The following SFXN5 variants were observed in gnomAD, a reference collection of about 807,000 sequenced individuals.
The protein encoded by SFXN5 is sideroflexin-5.
In SFXN5, 43 loss-of-function variants were observed where a neutral mutation model predicts 50.2. The observed-to-expected ratio is 0.86, with a 90% confidence interval of 0.67 to 1.11. The LOEUF (loss-of-function observed/expected upper bound fraction) is 1.11. Among genes scored for constraint, SFXN5 ranks in the 50% least tolerant of loss-of-function variants. SFXN5 has a pLI of 0.00. For synonymous variants in SFXN5, 203 were observed against 185.8 expected (o/e 1.09, Z -0.75); for missense variants, 463 against 454.1 (o/e 1.02, Z -0.18).
chr2:73,047,275 T>TATACACAC (rs1300799277), intron 2 of SFXN5, among the ~76,000 whole-genome samples: 2 of 51,748 alleles, frequency 3.9e-5, no homozygotes, highest in African/African-American at 1.6e-4. Flanking sequence ...TATATATATA[T>TATACACAC]ACACACATAT....
chr2:72,944,924 T>G lies in SFXN5; in HGVS notation c.*98A>C. 9.0e-7 allele frequency: 1 copy of G among 1,115,900 alleles called. No homozygotes were observed. The highest frequency in any genetic ancestry group is 1.3e-6 in the Non-Finnish European group (1 of 762,300). 69.1% of individuals were successfully genotyped at this position (1,115,900 alleles called of 1,614,324 possible). A position where few individuals can be genotyped will look rare whatever the true frequency, so the allele number is the denominator to read the frequency against. ...CCCAGGGGGCCCAGGACTGCTGGGG[T>G]TGGCGTGCTGCTCCCTGCAGGTGCA... On this transcript the variant is annotated 3_prime_UTR_variant, in exon 14 of 14. Coordinates refer to ENST00000272433, the MANE Select transcript of SFXN5 (RefSeq NM_144579.3).
intron 6 of SFXN5, among the ~76,000 whole-genome samples, chr2:73,017,183 A>C (rs2105803341): frequency 6.6e-6 from 1 of 152,334 alleles, no homozygotes; most frequent in East Asian, 1.9e-4. Flanking sequence ...GGGGGAAAGC[A>C]GATATTTGTA....
rs1002100226 is a variant in SFXN5, at chr2:73,033,462, T to C, written c.249+7392A>G. ...AGCAAGTGTGAGCAGGTGGCAGAGATGGAGATTACAGACATAAGTAAGATA... is the reference window on the plus strand; with the variant it reads ...AGCAAGTGTGAGCAGGTGGCAGAGACGGAGATTACAGACATAAGTAAGATA... On this transcript the variant is annotated intron_variant, in intron 3 of 13. Transcript: ENST00000272433. Among the ~76,000 whole-genome samples, 3 of 152,076 alleles carry C rather than the reference T, an allele frequency of 2.0e-5. No homozygotes were observed. The East Asian group carries it at 5.8e-4, about 29-fold the overall frequency.
At chr2:73,016,941 G>A (rs1676240857) in intron 6 of SFXN5, among the ~76,000 whole-genome samples, 1 of 152,120 alleles carries the variant, frequency 6.6e-6, no homozygotes, top group Non-Finnish European at 1.5e-5. Flanking sequence ...TGTAGTATGG[G>A]TTGTTTACCC....
At chr2:72,993,579 GAC>G (rs1672872426) in intron 9 of SFXN5, among the ~76,000 whole-genome samples, 1 of 152,170 alleles carries the variant, frequency 6.6e-6, no homozygotes, top group South Asian at 2.1e-4. Context: ...ACCTAGAAAA[GAC>G]ACAGAGCTGC....
intron 10 of SFXN5, 113 bp from the exon 11 acceptor site, chr2:72,971,798 A>G (rs1003315344): frequency 1.0e-5 from 8 of 769,148 alleles, no homozygotes; most frequent in Non-Finnish European, 1.7e-5. Flanking sequence ...GTTCAAATGC[A>G]TGGGCAAAGG....
chr2:72,951,028 A>T (rs1672474276), intron 13 of SFXN5, among the ~76,000 whole-genome samples: 1 of 152,158 alleles, frequency 6.6e-6, no homozygotes, highest in Admixed American at 6.5e-5. Context: ...GAGCCAGTCA[A>T]CAGGGGCTCC....
chr2:73,003,361 C>T (rs1674179313), intron 6 of SFXN5, among the ~76,000 whole-genome samples: 2 of 152,194 alleles, frequency 1.3e-5, no homozygotes, highest in African/African-American at 4.8e-5. Context: ...ACTTGGACCA[C>T]CAGGAACATC....
intron 13 of SFXN5, among the ~76,000 whole-genome samples, chr2:72,946,784 A>G (rs904066935): frequency 3.3e-5 from 5 of 152,118 alleles, no homozygotes; most frequent in African/African-American, 1.2e-4. Context: ...CCCCAACCAC[A>G]GCCAGTGCCG....
chr2:73,006,937 A>G (rs1405988294), intron 6 of SFXN5, among the ~76,000 whole-genome samples: 3 of 152,242 alleles, frequency 2.0e-5, no homozygotes, highest in Admixed American at 2.0e-4. Context: ...CTCAAGACAG[A>G]GTAAGGAATG....
intron 8 of SFXN5, 70 bp downstream of exon 8, chr2:73,000,361 C>A: frequency 1.4e-6 from 2 of 1,436,484 alleles, no homozygotes; most frequent in African/African-American, 2.8e-5. Context: ...TGGCATGTCA[C>A]GCTGTAGGGA....
intron 10 of SFXN5, among the ~76,000 whole-genome samples, chr2:72,980,256 C>G (rs1335231701): frequency 1.3e-5 from 2 of 152,066 alleles, no homozygotes; most frequent in African/African-American, 4.8e-5. Context: ...TAAACTTTAC[C>G]CCCTCCCCAG....
At position 72,944,909 on chromosome 2, in the gene SFXN5, C is replaced by T. The variant is rs189263463; in HGVS notation, c.*113G>A. On this transcript the variant is annotated 3_prime_UTR_variant, in exon 14 of 14. Transcript: ENST00000272433. ...TAGGTTGAGCACTCTCCCAGGGGGCCCAGGACTGCTGGGGTTGGCGTGCTG... is the reference window on the plus strand; with the variant it reads ...TAGGTTGAGCACTCTCCCAGGGGGCTCAGGACTGCTGGGGTTGGCGTGCTG... 192 of 925,088 alleles carry T rather than the reference C, an allele frequency of 2.1e-4. 2 individuals carry two copies. In the Admixed American group the frequency reaches 2.4e-3, roughly 12 times the overall value. The allele number at this position is 925,088 out of a possible 1,614,324, so 57.3% of individuals were successfully genotyped here. A position where few individuals can be genotyped will look rare whatever the true frequency, so the allele number is the denominator to read the frequency against.
chr2:73,049,984 A>AAG (rs1681031788), intron 2 of SFXN5: 1 of 151,988 alleles, frequency 6.6e-6, no homozygotes, highest in African/African-American at 2.4e-5. Context: ...AAAAAAAAAA[A>AAG]AAAAGGAGTA....
intron 6 of SFXN5, among the ~76,000 whole-genome samples, chr2:73,019,240 A>G (rs1270146130): frequency 4.6e-5 from 7 of 152,146 alleles, no homozygotes; most frequent in Admixed American, 4.6e-4. Flanking sequence ...ACTAAAATAT[A>G]AAAGTCAGAA....
intron 13 of SFXN5, among the ~76,000 whole-genome samples, chr2:72,948,334 G>A (rs373789821): frequency 3.2e-4 from 48 of 152,194 alleles, no homozygotes; most frequent in Non-Finnish European, 6.2e-4. Flanking sequence ...TAGATATCAC[G>A]CTGGAAAGAA....
chr2:73,021,688 C>T (rs1181589151), intron 5 of SFXN5, among the ~76,000 whole-genome samples: 1 of 152,158 alleles, frequency 6.6e-6, no homozygotes, highest in Non-Finnish European at 1.5e-5. Flanking sequence ...CGCCTTTCTC[C>T]AGCCACCCGA....
At chr2:72,955,641 G>C (rs902365956) in intron 13 of SFXN5, among the ~76,000 whole-genome samples, 1 of 152,222 alleles carries the variant, frequency 6.6e-6, no homozygotes, top group Non-Finnish European at 1.5e-5. Context: ...CCCAGGTAGG[G>C]AACACCGGCT....
At chr2:73,013,406 CGTGTGTGTGTGTGTGTGTGTGT>C (rs61590375) in intron 6 of SFXN5, among the ~76,000 whole-genome samples, 1 of 139,810 alleles carries the variant, frequency 7.2e-6, no homozygotes, top group African/African-American at 2.6e-5. Context: ...AGGGATATTT[CGTGTGTGTGTGTGTGTGTGTGT>C]GTGTGTGTGT....
Sources: allele counts gnomAD v4.1 joint callset (sites outside exome capture counted in the v4.1 genomes callset), GRCh38; gene constraint gnomAD v4.1.1; transcripts MANE v1.5; gene names NCBI Gene and HGNC (gene_info 2026-07-23, HGNC 2026-07-21).